PTP4A2: variants seen among roughly 807,000 people sequenced by gnomAD.
PTP4A2 encodes protein tyrosine phosphatase type IVA 2.
Under a neutral mutation model 22.9 loss-of-function variants are expected in PTP4A2, and 2 were observed. The observed-to-expected ratio is 0.09, with a 90% CI of 0.04 to 0.27. The LOEUF (loss-of-function observed/expected upper bound fraction) is 0.27. Ranked by LOEUF, PTP4A2 falls within the 10% of genes least tolerant of loss-of-function variation. The pLI is 1.00. For synonymous variants in PTP4A2, 68 were observed against 69.1 expected (o/e 0.98, Z 0.08); for missense variants, 103 against 205.1 (o/e 0.50, Z 3.04).
chr1:31,919,834 T>C (rs1557864476), intron 1 of PTP4A2, among the ~76,000 whole-genome samples, 176 bp from the exon 2 acceptor site: 2 of 152,110 alleles, frequency 1.3e-5, no homozygotes, highest in Admixed American at 6.6e-5. Context: ...GTTTTAAAAA[T>C]CAGAGACTCG....
chr1:31,937,404 G>T (rs1652983024), intron 1 of PTP4A2, among the ~76,000 whole-genome samples: 1 of 151,644 alleles, frequency 6.6e-6, no homozygotes, highest in Non-Finnish European at 1.5e-5. Context: ...AACACACCAG[G>T]GTTCACTATC....
rs1557857801 is a variant in PTP4A2 at position 31,906,788 on chromosome 1, C to CACACACACA, written c.*2063_*2064insTGTGTGTGT. ...CACACACACACACACACACACACAC[C>CACACACACA]CCCTCCCCCCAAACAACAAAATTCA... On this transcript the variant is annotated 3_prime_UTR_variant, in exon 6 of 6. Transcript: ENST00000647444. The CACACACACA allele has an allele frequency of 1.0e-5, 1 of 99,768 alleles. No homozygotes were observed. The highest frequency in any genetic ancestry group is 3.8e-5 in the African/African-American group (1 of 26,192). The allele number at this position is 99,768 out of a possible 1,614,324, so 6.2% of individuals were successfully genotyped here. A position where few individuals can be genotyped will look rare whatever the true frequency, so the allele number is the denominator to read the frequency against.
chr1:31,936,023 A>C (rs1489832629), intron 1 of PTP4A2, among the ~76,000 whole-genome samples: 2 of 151,370 alleles, frequency 1.3e-5, no homozygotes, highest in African/African-American at 4.9e-5. Context: ...TCCTGGGCTC[A>C]AGCGATCCTC....
chr1:31,907,913 C>A lies in PTP4A2; in HGVS notation c.*939G>T, dbSNP rs546061468. ...ACAAGTTTCTGGGATAACCACTTAG[C>A]TTCATTGGTTAGGGAAGAGAAGAAT... On this transcript the variant is annotated 3_prime_UTR_variant, in exon 6 of 6. Transcript: ENST00000647444. The A allele has an allele frequency of 3.3e-5, 5 of 150,942 alleles. No individual in the cohort carries two copies. Among genetic ancestry groups the A allele is most frequent in the African/African-American group, 1.2e-4 (5 of 40,976 alleles). The allele number at this position is 150,942 out of a possible 1,614,324, so 9.4% of individuals were successfully genotyped here.
chr1:31,910,000 G>T, intron 5 of PTP4A2, 38 bp downstream of exon 5: 2 of 1,517,206 alleles, frequency 1.3e-6, no homozygotes, highest in Non-Finnish European at 1.8e-6. Flanking sequence ...GCATGATCTT[G>T]CTTTCTGTGT....
intron 1 of PTP4A2, among the ~76,000 whole-genome samples, chr1:31,923,435 C>A (rs1235103442): frequency 6.7e-6 from 1 of 149,016 alleles, no homozygotes; most frequent in African/African-American, 2.5e-5. Context: ...CCCGGGTTCA[C>A]GCCATTCTCC....
In PTP4A2 at chr1:31,921,925, C is replaced by T. The variant is rs79899410; in HGVS notation, c.-593-2267G>A. 4.0e-3 allele frequency: 614 copies of T among 152,150 alleles called. 3 individuals carry two copies. Among genetic ancestry groups the T allele is most frequent in the African/African-American group, 0.014 (595 of 41,498 alleles). The allele number at this position is 152,150 out of a possible 1,614,324, so 9.4% of individuals were successfully genotyped here. On this transcript the variant is annotated intron_variant, in intron 1 of 5. Transcript: ENST00000647444. ...CATAAAACTAAAATAATATAAAAGACACAAATGAAATTCAAAATGGCATTC... is the reference window on the plus strand; with the variant it reads ...CATAAAACTAAAATAATATAAAAGATACAAATGAAATTCAAAATGGCATTC...
chr1:31,914,469 T>C (rs1478305965), intron 3 of PTP4A2: 5 of 311,676 alleles, frequency 1.6e-5, no homozygotes, highest in Middle Eastern at 4.0e-4. Flanking sequence ...GCCTTACCAA[T>C]AGGTCATTAT....
At chr1:31,933,471 A>C (rs947431641) in intron 1 of PTP4A2, among the ~76,000 whole-genome samples, 7 of 152,192 alleles carry the variant, frequency 4.6e-5, no homozygotes, top group Admixed American at 3.3e-4. Context: ...GGGATTTAAT[A>C]ATCAAATCCC....
In PTP4A2 at chr1:31,911,899, A is replaced by G. The variant is rs555440741; in HGVS notation, c.190-73T>C. 25 of 1,163,918 alleles carry G rather than the reference A, an allele frequency of 2.1e-5. No homozygotes were observed. The Admixed American group carries it at 5.8e-4, about 27-fold the overall frequency. 72.1% of individuals were successfully genotyped at this position (1,163,918 alleles called of 1,614,324 possible). On this transcript the variant is annotated intron_variant, in intron 3 of 5. Coordinates refer to ENST00000647444, the MANE Select transcript of PTP4A2 (RefSeq NM_080391.4). Reference sequence around the variant, plus strand: ...TAACATCCTAATACAGAATACCTGCACACAGTACACACGGCAGGCCTAACT... The same window carrying G: ...TAACATCCTAATACAGAATACCTGCGCACAGTACACACGGCAGGCCTAACT...
At chr1:31,923,714 A>G (rs1225442647) in intron 1 of PTP4A2, among the ~76,000 whole-genome samples, 1 of 151,872 alleles carries the variant, frequency 6.6e-6, no homozygotes, top group Non-Finnish European at 1.5e-5. Context: ...TTTTGGAGAG[A>G]CGGGGGCCTT....
At chr1:31,909,776 A>G (rs936906335) in intron 5 of PTP4A2, among the ~76,000 whole-genome samples, 1 of 152,182 alleles carries the variant, frequency 6.6e-6, no homozygotes, top group East Asian at 1.9e-4. Context: ...AATCTATTAA[A>G]AGGGGCATTT....
chr1:31,913,799 C>T (rs1651672048), intron 3 of PTP4A2: 1 of 456,042 alleles, frequency 2.2e-6, no homozygotes, highest in Non-Finnish European at 4.4e-6. Context: ...ACATTACTGA[C>T]TCAAACAGAC....
chr1:31,917,312 TAAG>T (rs1474155432), intron 2 of PTP4A2, among the ~76,000 whole-genome samples: 2 of 152,236 alleles, frequency 1.3e-5, no homozygotes, highest in East Asian at 1.9e-4. Flanking sequence ...TGATATCCTA[TAAG>T]AAGGGTCCAT....
At chr1:31,935,941 C>T (rs986078367) in intron 1 of PTP4A2, among the ~76,000 whole-genome samples, 5 of 151,880 alleles carry the variant, frequency 3.3e-5, no homozygotes, top group African/African-American at 7.3e-5. Context: ...ACTACAGGCA[C>T]GCACTACCAC....
At chr1:31,918,289 A>T (rs1355607232) in intron 2 of PTP4A2, among the ~76,000 whole-genome samples, 1 of 152,170 alleles carries the variant, frequency 6.6e-6, no homozygotes, top group Non-Finnish European at 1.5e-5. Flanking sequence ...TTGCTCAAAG[A>T]AGTACAAAGA....
rs1048053156 is a variant in PTP4A2, at chr1:31,907,186, A to G, written c.*1666T>C. The G allele has an allele frequency of 3.2e-4, 48 of 152,196 alleles. No individual in the cohort carries two copies. Among genetic ancestry groups the G allele is most frequent in the African/African-American group, 1.1e-3 (46 of 41,450 alleles). The allele number at this position is 152,196 out of a possible 1,614,324, so 9.4% of individuals were successfully genotyped here. On this transcript the variant is annotated 3_prime_UTR_variant, in exon 6 of 6. Coordinates refer to ENST00000647444, the MANE Select transcript of PTP4A2 (RefSeq NM_080391.4). ...TATTGGCCTAGCTGACGCTAACAAA[A>G]TGGGAGGCTTATGGCTCTGCACAGC...
chr1:31,915,299 T>C (rs1651765165), intron 3 of PTP4A2, among the ~76,000 whole-genome samples: 3 of 152,130 alleles, frequency 2.0e-5, no homozygotes, highest in Admixed American at 2.0e-4. Flanking sequence ...AAGATTGCTA[T>C]CAATAATGTA....
At chr1:31,913,961 G>A (rs1651683466) in intron 3 of PTP4A2, 2 of 447,684 alleles carry the variant, frequency 4.5e-6, no homozygotes, top group Non-Finnish European at 9.0e-6. Context: ...TAAACACAGG[G>A]CTGCATTTGA....
Sources: allele counts gnomAD v4.1 joint callset (sites outside exome capture counted in the v4.1 genomes callset), GRCh38; gene constraint gnomAD v4.1.1; transcripts MANE v1.5; gene names NCBI Gene and HGNC (gene_info 2026-07-23, HGNC 2026-07-21).